The following CHMP7 variants were observed in gnomAD, a reference collection of about 807,000 sequenced individuals.
CHMP7 encodes CHMP family, member 7.
A neutral mutation model predicts 53.7 loss-of-function variants in CHMP7; 15 were observed. The observed-to-expected ratio is 0.28, with a 90% confidence interval of 0.19 to 0.43. The LOEUF (loss-of-function observed/expected upper bound fraction) is 0.43, where lower values mean the gene tolerates loss of function less well. CHMP7 is among the 20% of genes least tolerant of loss of function. CHMP7 has a pLI of 1.00. For missense variants in CHMP7, 527 were observed against 569.4 expected (o/e 0.93, Z 0.76); for synonymous variants, 261 against 228.0 (o/e 1.14, Z -1.30).
Position 23,261,973 on chromosome 8 carries a change from A to G in CHMP7, c.*1374A>G, listed in dbSNP as rs1157291396. 6.6e-6 allele frequency: 1 copy of G among 152,424 alleles called. No individual in the cohort carries two copies. The highest frequency in any genetic ancestry group is 6.5e-5 in the Admixed American group (1 of 15,294). 9.4% of individuals were successfully genotyped at this position (152,424 alleles called of 1,614,324 possible). On this transcript the variant is annotated 3_prime_UTR_variant, in exon 11 of 11. Coordinates refer to ENST00000397677, the MANE Select transcript of CHMP7 (RefSeq NM_152272.5). ...CTATTTTTTTCTTTTTTATCTGGTA[A>G]ATAATTAAAAGAAAAACCGAACACT... is the stretch of plus-strand genomic sequence containing the variant.
At position 23,261,545 on chromosome 8, in the gene CHMP7, C is replaced by G. The variant is rs1408998988; in HGVS notation, c.*946C>G. On this transcript the variant is annotated 3_prime_UTR_variant, in exon 11 of 11. Coordinates refer to ENST00000397677, the MANE Select transcript of CHMP7 (RefSeq NM_152272.5). ...GTGTTTCATTTTGTGGCCTACTGCT[C>G]GGGGCAGGGGGGCTGAGCCAGGATG... The G allele has an allele frequency of 6.5e-6, 1 of 152,812 alleles. No individual in the cohort carries two copies. Among genetic ancestry groups the G allele is most frequent in the African/African-American group, 2.4e-5 (1 of 41,428 alleles). The allele number at this position is 152,812 out of a possible 1,614,324, so 9.5% of individuals were successfully genotyped here.
At chr8:23,248,613 A>G (rs1388210634) in intron 2 of CHMP7, among the ~76,000 whole-genome samples, 1 of 152,186 alleles carries the variant, frequency 6.6e-6, no homozygotes, top group Non-Finnish European at 1.5e-5. Context: ...ACCTAGGTTT[A>G]TTGTGAGGAT....
chr8:23,249,847 C>T (rs1801849253), intron 3 of CHMP7, among the ~76,000 whole-genome samples: 1 of 152,186 alleles, frequency 6.6e-6, no homozygotes, highest in African/African-American at 2.4e-5. Flanking sequence ...CTCGAAGAGG[C>T]CACTGGGGCC....
chr8:23,247,021 G>A (rs1419849228), intron 2 of CHMP7, 27 bp downstream of exon 2: 3 of 1,476,016 alleles, frequency 2.0e-6, no homozygotes, highest in Non-Finnish European at 2.7e-6. Context: ...GGCCAGGGCC[G>A]CGAGGGCGGG....
At chr8:23,248,664 G>C (rs1257547930) in intron 2 of CHMP7, among the ~76,000 whole-genome samples, 1 of 152,172 alleles carries the variant, frequency 6.6e-6, no homozygotes, top group Non-Finnish European at 1.5e-5. Flanking sequence ...CGTAGTGACT[G>C]GCCCGCGGCA....
intron 3 of CHMP7, 112 bp from the exon 4 acceptor site, chr8:23,255,135 G>A (rs1456562705): frequency 1.9e-6 from 2 of 1,044,026 alleles, no homozygotes; most frequent in Non-Finnish European, 2.9e-6. Context: ...GGATGGGGTT[G>A]GGATTCCCGG....
chr8:23,258,166 G>A (rs551239028), intron 6 of CHMP7, 85 bp downstream of exon 6: 2 of 1,436,600 alleles, frequency 1.4e-6, no homozygotes, highest in East Asian at 2.3e-5. Flanking sequence ...CAGCTTGCTG[G>A]GGTTTTGAGG....
At chr8:23,245,505 A>G (rs768331782) in intron 1 of CHMP7, among the ~76,000 whole-genome samples, 1 of 152,224 alleles carries the variant, frequency 6.6e-6, no homozygotes, top group Non-Finnish European at 1.5e-5. Context: ...CTTTTGATAC[A>G]TTGTGGGTTT....
intron 7 of CHMP7, 106 bp from the exon 8 acceptor site, chr8:23,258,626 G>A: frequency 5.0e-6 from 6 of 1,206,650 alleles, no homozygotes; most frequent in Middle Eastern, 1.9e-4. Flanking sequence ...ATTGAGCTTG[G>A]GTGCCAAAAA....
rs890742639 is a variant in CHMP7 at position 23,261,990 on chromosome 8, C to A, written c.*1391C>A. On this transcript the variant is annotated 3_prime_UTR_variant, in exon 11 of 11. Coordinates refer to ENST00000397677, the MANE Select transcript of CHMP7 (RefSeq NM_152272.5). Reference sequence around the variant, plus strand: ...ATCTGGTAAATAATTAAAAGAAAAACCGAACACTTGTCCCGTCTCCTCTTT... The same window carrying A: ...ATCTGGTAAATAATTAAAAGAAAAAACGAACACTTGTCCCGTCTCCTCTTT... 1 of 152,252 alleles carries A rather than the reference C, an allele frequency of 6.6e-6. No individual in the cohort carries two copies. The highest frequency in any genetic ancestry group is 1.5e-5 in the Non-Finnish European group (1 of 68,036). The allele number at this position is 152,252 out of a possible 1,614,324, so 9.4% of individuals were successfully genotyped here.
intron 4 of CHMP7, 152 bp from the exon 5 acceptor site, chr8:23,256,308 T>C: frequency 1.5e-6 from 1 of 653,082 alleles, no homozygotes; most frequent in East Asian, 2.5e-5. Context: ...TCTCTGAGGG[T>C]TCAGACCTCC....
rs560952134 is a variant in CHMP7, at chr8:23,249,488, C to G, written c.471+107C>G. 3.6e-6 allele frequency: 3 copies of G among 837,256 alleles called. No individual in the cohort carries two copies. The East Asian group carries it at 8.5e-5, about 24-fold the overall frequency. 51.9% of individuals were successfully genotyped at this position (837,256 alleles called of 1,614,324 possible). On this transcript the variant is annotated intron_variant, in intron 3 of 10. Coordinates refer to ENST00000397677, the MANE Select transcript of CHMP7 (RefSeq NM_152272.5). ...AAAGACCGTCTCTTTTTTTACATGG[C>G]TACTGAGTTGATAACTGAGTTTATC...
At chr8:23,256,779 A>G (rs1202924653) in intron 5 of CHMP7, 186 bp downstream of exon 5, 2 of 304,896 alleles carry the variant, frequency 6.6e-6, no homozygotes, top group African/African-American at 4.4e-5. Flanking sequence ...GAGAAAAAAA[A>G]ATGAGGCCTC....
At chr8:23,257,888 C>T (rs192118341) in intron 5 of CHMP7, 145 bp from the exon 6 acceptor site, 7 of 646,698 alleles carry the variant, frequency 1.1e-5, no homozygotes, top group South Asian at 9.5e-5. Flanking sequence ...TTTTTGCCGT[C>T]AGCATCAGTT....
chr8:23,253,126 G>C lies in CHMP7; in HGVS notation c.472-2121G>C, dbSNP rs574861135. Among the ~76,000 whole-genome samples, 3 of 152,238 alleles carry C rather than the reference G, an allele frequency of 2.0e-5. No homozygotes were observed. The South Asian group carries it at 6.2e-4, about 32-fold the overall frequency. Reference sequence around the variant, plus strand: ...CTTCCTAAACAGTGGTCTTCCTTCAGCTTATTACTTTCCTCCCTGAATGTC... The same window carrying C: ...CTTCCTAAACAGTGGTCTTCCTTCACCTTATTACTTTCCTCCCTGAATGTC... On this transcript the variant is annotated intron_variant, in intron 3 of 10. Transcript: ENST00000397677.
chr8:23,260,452 ATTAAGACTCAGTCTCTT>A, intron 10 of CHMP7, 69 bp from the exon 11 acceptor site: 1 of 1,512,420 alleles, frequency 6.6e-7, no homozygotes, highest in Non-Finnish European at 9.2e-7. Flanking sequence ...GGTTGTTTAT[ATTAAGACTCAGTCTCTT>A]AATCACTGGA....
At position 23,255,293 on chromosome 8, in the gene CHMP7, C is replaced by A. The variant is rs370704599; in HGVS notation, c.518C>A (p.Ser173Tyr). Residue 173 changes from serine to tyrosine, a missense_variant, in exon 4 of 11, where the codon TCC becomes TAC. Transcript: ENST00000397677. ...CGTCTGTATCAGAACTCGCCCCTCT[C>A]CTCCCACCCCGTGGTGGCCCTGTCA... ...VYRLYQNSPL[S>Y]SHPVVALSEL... 1 of 1,614,088 alleles carries A rather than the reference C, an allele frequency of 6.2e-7. No individual in the cohort carries two copies. Among genetic ancestry groups the A allele is most frequent in the African/African-American group, 1.3e-5 (1 of 74,944 alleles).
intron 2 of CHMP7, 111 bp downstream of exon 2, chr8:23,247,105 G>A: frequency 9.1e-7 from 1 of 1,093,048 alleles, no homozygotes; most frequent in Non-Finnish European, 1.2e-6. Context: ...CCAGTGTCTG[G>A]CCCAGAGAAG....
chr8:23,257,846 A>G (rs1269366693), intron 5 of CHMP7, among the ~76,000 whole-genome samples, 187 bp from the exon 6 acceptor site: 1 of 152,222 alleles, frequency 6.6e-6, no homozygotes, highest in Non-Finnish European at 1.5e-5. Flanking sequence ...TGAGCCTGCC[A>G]CAACAGACTG....
Sources: gnomAD v4.1 joint callset for allele counts (sites outside exome capture counted in the v4.1 genomes callset) on GRCh38, gnomAD v4.1.1 for gene constraint, MANE v1.5 for transcripts, NCBI Gene and HGNC (gene_info 2026-07-23, HGNC 2026-07-21) for gene names.